The following POU6F2 variants were observed in gnomAD, a reference collection of about 807,000 sequenced individuals.
POU6F2 encodes the protein POU class 6 homeobox 2, also known as POU domain, class 6, transcription factor 2.
A neutral mutation model predicts 71.3 loss-of-function variants in POU6F2; 31 were observed. That is an observed-to-expected ratio of 0.43 (90% confidence interval 0.33 to 0.59). The LOEUF is 0.59. Among genes scored for constraint, POU6F2 ranks in the 20% least tolerant of loss-of-function variants. The probability of loss-of-function intolerance (pLI) is 0.04; values close to 1 mark genes in which losing one functional copy is unlikely to be tolerated. For synonymous variants in POU6F2, 347 were observed against 355.7 expected (o/e 0.98, Z 0.27); for missense variants, 783 against 856.8 (o/e 0.91, Z 1.07).
At chr7:39,018,508 A>C (rs1789610787) in intron 1 of POU6F2, among the ~76,000 whole-genome samples, 1 of 152,082 alleles carries the variant, frequency 6.6e-6, no homozygotes, top group South Asian at 2.1e-4. Flanking sequence ...ATAGTCTAGA[A>C]TGTGCTGGGA....
Position 39,339,670 on chromosome 7 carries a change from GCAGCTC to G in POU6F2, c.644_649del (p.Leu215_Gln216del), listed in dbSNP as rs761391039. ...CCTCATCCCTGAACTCCCAGCTCCA[GCAGCTC>G]CAGCTCCAGCTCCAGCAGCAGCAGC... On this transcript the variant is annotated inframe_deletion, in exon 5 of 10. Coordinates refer to ENST00000518318, the MANE Select transcript of POU6F2 (RefSeq NM_001370959.1). 28 of 1,600,432 alleles carry G rather than the reference GCAGCTC, an allele frequency of 1.7e-5. No individual in the cohort carries two copies. The highest frequency in any genetic ancestry group is 2.0e-5 in the Non-Finnish European group (24 of 1,177,676).
At chr7:39,154,637 G>T (rs1005177763) in intron 2 of POU6F2, among the ~76,000 whole-genome samples, 1 of 152,090 alleles carries the variant, frequency 6.6e-6, no homozygotes, top group African/African-American at 2.4e-5. Context: ...CACTTTCTAG[G>T]GTTGATAACC....
chr7:39,452,377 TG>T (rs1257856527), intron 8 of POU6F2, among the ~76,000 whole-genome samples: 1 of 152,202 alleles, frequency 6.6e-6, no homozygotes, highest in Non-Finnish European at 1.5e-5. Flanking sequence ...AATAACAGCA[TG>T]TTAAGATGGA....
chr7:39,368,247 A>G (rs909570164), intron 5 of POU6F2, among the ~76,000 whole-genome samples: 2 of 152,226 alleles, frequency 1.3e-5, no homozygotes, highest in East Asian at 1.9e-4. Flanking sequence ...GAAGGAAATT[A>G]AAAGTAAAGT....
At chr7:39,012,738 CT>C (rs1346028278) in intron 1 of POU6F2, among the ~76,000 whole-genome samples, 1 of 151,266 alleles carries the variant, frequency 6.6e-6, no homozygotes, top group Non-Finnish European at 1.5e-5. Context: ...AGTTTTCCTT[CT>C]AACAGACAGG....
At chr7:39,381,344 T>C (rs1175917909) in intron 5 of POU6F2, among the ~76,000 whole-genome samples, 1 of 152,182 alleles carries the variant, frequency 6.6e-6, no homozygotes, top group Non-Finnish European at 1.5e-5. Flanking sequence ...TTCAAGCTAT[T>C]CTTGTGCTTC....
chr7:39,304,153 G>A (rs190413085), intron 4 of POU6F2, among the ~76,000 whole-genome samples: 3 of 152,226 alleles, frequency 2.0e-5, no homozygotes, highest in Admixed American at 6.5e-5. Flanking sequence ...AAAGCCCACC[G>A]AAATGAAAAG....
At chr7:39,240,260 C>A (rs979429844) in intron 4 of POU6F2, among the ~76,000 whole-genome samples, 2 of 152,050 alleles carry the variant, frequency 1.3e-5, no homozygotes, top group African/African-American at 4.8e-5. Context: ...AAGGGAGAAG[C>A]AAGTCACATA....
At chr7:39,108,710 A>G (rs1791744398) in intron 2 of POU6F2, among the ~76,000 whole-genome samples, 1 of 152,216 alleles carries the variant, frequency 6.6e-6, no homozygotes, top group South Asian at 2.1e-4. Context: ...AGTCTTTAGT[A>G]TCTATCTACA....
chr7:39,060,964 A>C (rs963366557), intron 1 of POU6F2, among the ~76,000 whole-genome samples: 4 of 152,040 alleles, frequency 2.6e-5, no homozygotes, highest in Admixed American at 6.6e-5. Context: ...AAAAAAAAAA[A>C]AACTTATTGA....
intron 2 of POU6F2, among the ~76,000 whole-genome samples, chr7:39,166,799 C>G (rs1793125384): frequency 6.6e-6 from 1 of 152,150 alleles, no homozygotes; most frequent in Non-Finnish European, 1.5e-5. Context: ...AGGCAGAAAG[C>G]CTCTTTCCAA....
rs1388611162 is a variant in POU6F2, at chr7:39,465,646, C to T, written c.*960C>T. ...GTGGGGAGAAGCAGTGTCTTTTCCA[C>T]TCAGATCCTAGTGAAATGCAGGAGA... On this transcript the variant is annotated 3_prime_UTR_variant, in exon 10 of 10. Coordinates refer to ENST00000518318, the MANE Select transcript of POU6F2 (RefSeq NM_001370959.1). 6.6e-6 allele frequency: 1 copy of T among 152,160 alleles called. No individual in the cohort carries two copies. Among genetic ancestry groups the T allele is most frequent in the Non-Finnish European group, 1.5e-5 (1 of 68,044 alleles). 9.4% of individuals were successfully genotyped at this position (152,160 alleles called of 1,614,324 possible). A position where few individuals can be genotyped will look rare whatever the true frequency, so the allele number is the denominator to read the frequency against.
chr7:39,089,456 A>G (rs1791319886), intron 2 of POU6F2, among the ~76,000 whole-genome samples: 1 of 152,226 alleles, frequency 6.6e-6, no homozygotes, highest in African/African-American at 2.4e-5. Flanking sequence ...GATGCTACAT[A>G]GAGCCAGTCA....
Position 39,464,223 on chromosome 7 carries a change from C to G in POU6F2, c.1700C>G (p.Ala567Gly). The change falls in exon 10 of 10, where the codon GCC becomes GGC. Residue 567 changes from alanine to glycine, a missense_variant. Ala to Gly is a moderately conservative substitution (Grantham distance 60, BLOSUM62 0). Coordinates refer to ENST00000518318, the MANE Select transcript of POU6F2 (RefSeq NM_001370959.1). This position sits in a 1 kb window ranked among gnomAD's most constrained non-coding sequence, Gnocchi z 4.1. ...AGCCACTTTTTCCTACCACAGGAAGCCCAAGAGAACACTATAGCTAGCAGT... is the reference window on the plus strand; with the variant it reads ...AGCCACTTTTTCCTACCACAGGAAGGCCAAGAGAACACTATAGCTAGCAGT... ...LRSHFFLPQEAQENTIASSLT... is the reference protein window; with the variant it reads ...LRSHFFLPQEGQENTIASSLT... The G allele has an allele frequency of 6.2e-7, 1 of 1,613,932 alleles. No homozygotes were observed.
chr7:39,364,715 C>G (rs182435377), intron 5 of POU6F2, among the ~76,000 whole-genome samples: 152 of 152,288 alleles, frequency 1.0e-3, no homozygotes, highest in African/African-American at 3.5e-3. Flanking sequence ...ACGAATTGTG[C>G]TACCATAAAC....
chr7:39,409,649 G>A (rs532699260), intron 6 of POU6F2, among the ~76,000 whole-genome samples: 9 of 151,926 alleles, frequency 5.9e-5, no homozygotes, highest in African/African-American at 2.2e-4. Context: ...CTTTTGCAGG[G>A]CAAGCAGTCC....
chr7:39,306,008 A>AG, intron 4 of POU6F2, among the ~76,000 whole-genome samples: 1 of 151,228 alleles, frequency 6.6e-6, no homozygotes, highest in Non-Finnish European at 1.5e-5. Flanking sequence ...TTTCCCTTTA[A>AG]AAAAAAAATC....
intron 6 of POU6F2, among the ~76,000 whole-genome samples, chr7:39,427,354 A>G (rs983335102): frequency 2.6e-5 from 4 of 152,130 alleles, no homozygotes; most frequent in African/African-American, 9.7e-5. Flanking sequence ...GCCAGTGGGG[A>G]ATTTTTTTTT....
intron 1 of POU6F2, chr7:39,013,039 G>C (rs1288993991): frequency 2.0e-5 from 3 of 152,176 alleles, no homozygotes; most frequent in African/African-American, 7.2e-5. Context: ...GCCTCCTTGA[G>C]CTGTGGTGGG....
Sources: gnomAD v4.1 joint callset for allele counts (sites outside exome capture counted in the v4.1 genomes callset) on GRCh38, gnomAD v4.1.1 for gene constraint, Gnocchi (gnomAD v3.1) non-coding constraint, MANE v1.5 for transcripts, NCBI Gene and HGNC (gene_info 2026-07-23, HGNC 2026-07-21) for gene names.